The following NELL1 variants were observed in gnomAD, a reference collection of about 807,000 sequenced individuals.
NELL1 encodes protein kinase C-binding protein NELL1.
In NELL1, 76 loss-of-function variants were observed where a neutral mutation model predicts 107.4. The observed-to-expected ratio is 0.71, with a 90% confidence interval of 0.59 to 0.86. NELL1 has a LOEUF of 0.86. NELL1 is among the 40% of genes least tolerant of loss of function. The pLI is 0.00. For missense variants in NELL1, 1,024 were observed against 1,005.5 expected (o/e 1.02, Z -0.25); for synonymous variants, 353 against 341.2 (o/e 1.03, Z -0.38).
intron 2 of NELL1, among the ~76,000 whole-genome samples, chr11:20,732,911 A>G (rs983041733): frequency 1.3e-5 from 2 of 152,132 alleles, no homozygotes; most frequent in Non-Finnish European, 2.9e-5. Flanking sequence ...GGTTCTGGTG[A>G]TACAGTGGGG....
At chr11:21,554,005 A>G (rs1275180215) in intron 16 of NELL1, among the ~76,000 whole-genome samples, 2 of 151,630 alleles carry the variant, frequency 1.3e-5, no homozygotes, top group African/African-American at 4.9e-5. Context: ...TCATAAGCAG[A>G]TATGTAAAAA....
At chr11:21,107,058 G>T (rs1175622654) in intron 12 of NELL1, among the ~76,000 whole-genome samples, 1 of 152,118 alleles carries the variant, frequency 6.6e-6, no homozygotes, top group African/African-American at 2.4e-5. Flanking sequence ...CACAGAGATT[G>T]CCCATATACC....
rs141660565 is a variant in NELL1, at chr11:20,867,909, A to C, written c.507-17535A>C. The stretch of plus-strand genomic sequence containing the variant: ...TCAAAATTCCATTTTTAAAATTTCT[A>C]AATTGTGAATGAGACATTTATTTAT... On this transcript the variant is annotated intron_variant, in intron 4 of 19. Transcript: ENST00000357134. Among the ~76,000 whole-genome samples the C allele has an allele frequency of 3.9e-3, 595 of 152,302 alleles. 7 individuals carry two copies. The highest frequency in any genetic ancestry group is 0.014 in the African/African-American group (564 of 41,560).
chr11:21,137,604 G>C (rs1279340967), intron 13 of NELL1, among the ~76,000 whole-genome samples: 1 of 152,206 alleles, frequency 6.6e-6, no homozygotes, highest in Non-Finnish European at 1.5e-5. Context: ...GATGAAGACA[G>C]CAAGGTCAAG....
intron 15 of NELL1, among the ~76,000 whole-genome samples, chr11:21,530,191 T>C (rs1409530487): frequency 6.6e-6 from 1 of 152,132 alleles, no homozygotes; most frequent in African/African-American, 2.4e-5. Flanking sequence ...TAAAAACTCT[T>C]AGGAAAGGTA....
chr11:20,911,693 C>G (rs1850134946), intron 5 of NELL1, among the ~76,000 whole-genome samples: 1 of 152,154 alleles, frequency 6.6e-6, no homozygotes, highest in Non-Finnish European at 1.5e-5. Flanking sequence ...AGTCCATCTT[C>G]CTAGAGAGCA....
intron 15 of NELL1, among the ~76,000 whole-genome samples, chr11:21,401,921 A>G (rs911727373): frequency 6.6e-6 from 1 of 151,806 alleles, no homozygotes; most frequent in Non-Finnish European, 1.5e-5. Flanking sequence ...CAATGTAGAT[A>G]TAGAACTGTG....
At chr11:21,454,939 A>G (rs200072321) in intron 15 of NELL1, among the ~76,000 whole-genome samples, 4 of 152,212 alleles carry the variant, frequency 2.6e-5, no homozygotes, top group East Asian at 3.9e-4. Context: ...GAGAACACAG[A>G]TATTTAGTCC....
intron 12 of NELL1, among the ~76,000 whole-genome samples, chr11:21,087,130 C>G (rs764666341): frequency 6.6e-6 from 1 of 152,198 alleles, no homozygotes; most frequent in Non-Finnish European, 1.5e-5. Context: ...TAAGGCGCCA[C>G]TCCTGGCCCA....
chr11:21,497,759 G>C (rs1162693701), intron 15 of NELL1, among the ~76,000 whole-genome samples: 1 of 151,812 alleles, frequency 6.6e-6, no homozygotes, highest in Non-Finnish European at 1.5e-5. Context: ...TCTGTAGGGG[G>C]TATAACATTT....
chr11:21,527,799 A>G (rs746201186), intron 15 of NELL1, among the ~76,000 whole-genome samples: 19 of 152,308 alleles, frequency 1.2e-4, no homozygotes, highest in Non-Finnish European at 2.2e-4. Flanking sequence ...GAGGGCAGGA[A>G]GCATCCAGCA....
intron 9 of NELL1, among the ~76,000 whole-genome samples, chr11:20,937,330 A>G (rs972354475): frequency 6.6e-6 from 1 of 152,276 alleles, no homozygotes; most frequent in Middle Eastern, 3.4e-3. Context: ...GCCCACTCCC[A>G]TGATCACAAG....
intron 12 of NELL1, among the ~76,000 whole-genome samples, chr11:21,101,083 T>C (rs941231663): frequency 2.6e-5 from 4 of 151,046 alleles, no homozygotes; most frequent in Admixed American, 1.3e-4. Flanking sequence ...AGTGAGAATA[T>C]GCGGTGTTTG....
chr11:20,932,700 C>T (rs1037930279), intron 9 of NELL1, among the ~76,000 whole-genome samples: 4 of 152,216 alleles, frequency 2.6e-5, no homozygotes, highest in Non-Finnish European at 5.9e-5. Flanking sequence ...GGAGAAGTAA[C>T]TTGTCCAAGG....
rs1272429052 is a variant in NELL1 at position 20,727,048 on chromosome 11, A to G, written c.184+48988A>G. ...TTTTTGCTATTGTGAATAGTGCCGC[A>G]ATAAACCTCTGTGTGCATGTGTCTT... On this transcript the variant is annotated intron_variant, in intron 2 of 19. Transcript: ENST00000357134. 2.6e-5 allele frequency among the ~76,000 whole-genome samples: 4 copies of G among 152,186 alleles called. 1 individual carries two copies. The highest frequency in any genetic ancestry group is 2.6e-4 in the Admixed American group (4 of 15,272).
chr11:21,349,776 G>C (rs1383184877), intron 14 of NELL1, among the ~76,000 whole-genome samples: 3 of 152,066 alleles, frequency 2.0e-5, no homozygotes, highest in African/African-American at 7.2e-5. Flanking sequence ...TTAGCTTGGT[G>C]ACCTACTGTA....
At chr11:21,064,078 A>G (rs937387057) in intron 12 of NELL1, among the ~76,000 whole-genome samples, 1 of 152,130 alleles carries the variant, frequency 6.6e-6, no homozygotes, top group African/African-American at 2.4e-5. Context: ...TAGCCAGTGC[A>G]AAGGGCTGAA....
intron 14 of NELL1, among the ~76,000 whole-genome samples, chr11:21,264,071 G>GTGTGTGTGTGTGTGTGTGT (rs1554989862): frequency 1.2e-4 from 17 of 139,436 alleles, no homozygotes; most frequent in Non-Finnish European, 1.6e-4. Context: ...TCTACAATGG[G>GTGTGTGTGTGTGTGTGTGT]GTGTGTGTGT....
At chr11:21,490,849 A>T (rs1017518243) in intron 15 of NELL1, among the ~76,000 whole-genome samples, 1 of 152,150 alleles carries the variant, frequency 6.6e-6, no homozygotes, top group African/African-American at 2.4e-5. Context: ...TAAAACTGCT[A>T]TAAAAAACAT....
Sources: gnomAD v4.1 joint callset for allele counts (sites outside exome capture counted in the v4.1 genomes callset) on GRCh38, gnomAD v4.1.1 for gene constraint, MANE v1.5 for transcripts, NCBI Gene and HGNC (gene_info 2026-07-23, HGNC 2026-07-21) for gene names.